Variants in RUVBL2 observed in about 807,000 individuals in gnomAD.
The protein encoded by RUVBL2 is ruvB-like 2.
Under a neutral mutation model 57.9 loss-of-function variants are expected in RUVBL2, and 9 were observed. That is an observed-to-expected ratio of 0.16 (90% CI 0.09 to 0.27). The LOEUF (loss-of-function observed/expected upper bound fraction) is 0.27, where lower values mean the gene tolerates loss of function less well. RUVBL2 is among the 10% of genes least tolerant of loss of function. RUVBL2 has a pLI of 1.00. For synonymous variants in RUVBL2, 278 were observed against 264.6 expected (o/e 1.05, Z -0.49); for missense variants, 456 against 669.6 (o/e 0.68, Z 3.52).
chr19:49,014,113 G>T (rs1200108391), intron 11 of RUVBL2, among the ~76,000 whole-genome samples: 3 of 152,228 alleles, frequency 2.0e-5, no homozygotes. Context: ...TGAATAAGGG[G>T]AACTGACTGT....
At chr19:49,008,369 T>C (rs2039327680) in intron 6 of RUVBL2, among the ~76,000 whole-genome samples, 2 of 149,366 alleles carry the variant, frequency 1.3e-5, no homozygotes, top group Admixed American at 6.6e-5. Flanking sequence ...GCCTCCCGAG[T>C]AGCTGGGACT....
upstream of RUVBL2, chr19:48,993,755 A>T: frequency 1.1e-6 from 1 of 916,642 alleles, no homozygotes; most frequent in Non-Finnish European, 1.7e-6. Context: ...CCTCGGTGGG[A>T]GGGCGGGGCA....
chr19:48,994,212 C>T lies in RUVBL2; in HGVS notation c.12+289C>T, dbSNP rs574046277. 4 of 525,556 alleles carry T rather than the reference C, an allele frequency of 7.6e-6. No individual in the cohort carries two copies. The South Asian group carries it at 9.0e-5, about 12-fold the overall frequency. The allele number at this position is 525,556 out of a possible 1,614,324, so 32.6% of individuals were successfully genotyped here. On this transcript the variant is annotated intron_variant, in intron 1 of 14. Coordinates refer to ENST00000595090, the MANE Select transcript of RUVBL2 (RefSeq NM_006666.3). ...TTCAAAATCATCTTGGCGCAACGGC[C>T]GGTTCCGCAGTCCTTGGCGCCAGTG...
chr19:49,006,707 T>C (rs2039287581), intron 4 of RUVBL2, among the ~76,000 whole-genome samples: 1 of 152,236 alleles, frequency 6.6e-6, no homozygotes, highest in Non-Finnish European at 1.5e-5. Context: ...GCTAAACAGC[T>C]CGTAGAGGCT....
chr19:49,015,560 C>CT lies in RUVBL2; in HGVS notation c.1252-11dup, dbSNP rs2039530392. The CT allele has an allele frequency of 6.2e-7, 1 of 1,603,854 alleles. No individual in the cohort carries two copies. The highest frequency in any genetic ancestry group is 1.3e-5 in the African/African-American group (1 of 74,732). On this transcript the variant is annotated splice_polypyrimidine_tract_variant and intron_variant, in intron 13 of 14. Transcript: ENST00000595090. Reference sequence around the variant, plus strand: ...AGAGGGGCCCAACTGAGGACTCGCCCTCCCCCTCCAGGGTACAGAAGTGCA... The same window carrying CT: ...AGAGGGGCCCAACTGAGGACTCGCCCTTCCCCCTCCAGGGTACAGAAGTGCA...
intron 1 of RUVBL2, among the ~76,000 whole-genome samples, chr19:48,997,321 A>T (rs1202334661): frequency 6.6e-6 from 1 of 152,146 alleles, no homozygotes; most frequent in Non-Finnish European, 1.5e-5. Flanking sequence ...ACGTTGTAGC[A>T]TGTATCAGAA....
In RUVBL2 at chr19:49,010,071, G is replaced by A. The variant is rs370537579; in HGVS notation, c.663+5G>A. Reference sequence around the variant, plus strand: ...TACGACGCTATGGGCTCCCAGGTGCGGCCGGGACTCCCGGGATCCCCTCGC... The same window carrying A: ...TACGACGCTATGGGCTCCCAGGTGCAGCCGGGACTCCCGGGATCCCCTCGC... On this transcript the variant is annotated splice_donor_5th_base_variant and intron_variant, in intron 8 of 14. Transcript: ENST00000595090. 1.9e-4 allele frequency: 311 copies of A among 1,605,088 alleles called. No homozygotes were observed. The highest frequency in any genetic ancestry group is 2.5e-4 in the Non-Finnish European group (296 of 1,176,420).
chr19:49,005,556 C>A (rs1191851982), intron 4 of RUVBL2, among the ~76,000 whole-genome samples: 2 of 152,152 alleles, frequency 1.3e-5, no homozygotes, highest in African/African-American at 4.8e-5. Flanking sequence ...TGGGCGGACA[C>A]TGGGGACAGC....
In RUVBL2 at chr19:49,011,370, A is replaced by C; in HGVS notation, c.1001+60A>C. 2.9e-6 allele frequency: 4 copies of C among 1,386,174 alleles called. No homozygotes were observed. Among genetic ancestry groups the C allele is most frequent in the Non-Finnish European group, 3.1e-6 (3 of 977,814 alleles). The allele number at this position is 1,386,174 out of a possible 1,614,324, so 85.9% of individuals were successfully genotyped here. Reference sequence around the variant, plus strand: ...GATGCTCTGGGCAGTGGGTGTGGTCAGAGGGTCAATGGGAGCCTGTGTTGA... The same window carrying C: ...GATGCTCTGGGCAGTGGGTGTGGTCCGAGGGTCAATGGGAGCCTGTGTTGA... On this transcript the variant is annotated intron_variant, in intron 11 of 14. Transcript: ENST00000595090. The surrounding 1 kb of genome is among the most constrained non-coding windows in gnomAD (Gnocchi z 4.4).
At chr19:48,997,828 C>G (rs1330959208) in intron 1 of RUVBL2, among the ~76,000 whole-genome samples, 1 of 151,904 alleles carries the variant, frequency 6.6e-6, no homozygotes, top group African/African-American at 2.4e-5. Flanking sequence ...CTGGGGGGGT[C>G]CTGAATTGTC....
intron 2 of RUVBL2, among the ~76,000 whole-genome samples, chr19:49,000,683 GGTGAAACCCTGTCTCTA>G (rs970589040): frequency 6.6e-6 from 1 of 152,144 alleles, no homozygotes; most frequent in Non-Finnish European, 1.5e-5. Context: ...TGGCCAACAT[GGTGAAACCCTGTCTCTA>G]CTAAAAATAC....
chr19:49,004,115 C>CAAAAA (rs74182026), intron 3 of RUVBL2, 162 bp from the exon 4 acceptor site: 93 of 292,934 alleles, frequency 3.2e-4, no homozygotes, highest in Admixed American at 4.3e-4. Flanking sequence ...GATCTTGTCT[C>CAAAAA]AAAAAAAAAA....
chr19:48,995,384 C>T (rs1232427226), intron 1 of RUVBL2, among the ~76,000 whole-genome samples: 1 of 150,218 alleles, frequency 6.7e-6, no homozygotes. Context: ...GGGTAATGTT[C>T]TATGCTCCTG....
chr19:49,011,888 T>C lies in RUVBL2; in HGVS notation c.1001+578T>C, dbSNP rs1600194412. Among the ~76,000 whole-genome samples, 1 of 120,270 alleles carries C rather than the reference T, an allele frequency of 8.3e-6. No individual in the cohort carries two copies. Among genetic ancestry groups the C allele is most frequent in the East Asian group, 2.6e-4 (1 of 3,824 alleles). The allele number at this position is 120,270 out of a possible 152,430, so 78.9% of individuals were successfully genotyped here. On this transcript the variant is annotated intron_variant, in intron 11 of 14. Transcript: ENST00000595090. This position sits in a 1 kb window ranked among gnomAD's most constrained non-coding sequence, Gnocchi z 4.4. The stretch of plus-strand genomic sequence containing the variant: ...GGACAGATTCCTGTGACACAGAGGG[T>C]ACTGTGCTGTGCTGAAGCCTGGGAA...
At chr19:49,003,176 A>AC in intron 2 of RUVBL2, 103 bp from the exon 3 acceptor site, 6 of 538,202 alleles carry the variant, frequency 1.1e-5, no homozygotes, top group East Asian at 5.2e-5. Flanking sequence ...CCCTACTCCC[A>AC]CCCACCCCTT....
rs761406558 is a variant in RUVBL2, at chr19:49,015,846, G to A, written c.*4G>A. 32 of 1,614,054 alleles carry A rather than the reference G, an allele frequency of 2.0e-5. No homozygotes were observed. Among genetic ancestry groups the A allele is most frequent in the Middle Eastern group, 1.6e-4 (1 of 6,082 alleles). ...CGAGACCATGGACACCTCCTGAGTT[G>A]GATGTCATCCCCCGACCCCACCCTG... On this transcript the variant is annotated 3_prime_UTR_variant, in exon 15 of 15. Coordinates refer to ENST00000595090, the MANE Select transcript of RUVBL2 (RefSeq NM_006666.3).
chr19:48,996,897 A>C (rs2039073302), intron 1 of RUVBL2, among the ~76,000 whole-genome samples: 1 of 151,764 alleles, frequency 6.6e-6, no homozygotes, highest in Non-Finnish European at 1.5e-5. Context: ...CCCTGACCTC[A>C]AGTGATTTGC....
At chr19:49,015,313 T>G in intron 13 of RUVBL2, 163 bp downstream of exon 13, 1 of 926,050 alleles carries the variant, frequency 1.1e-6, no homozygotes, top group Non-Finnish European at 1.6e-6. Flanking sequence ...TGGCCTATAG[T>G]AGGTATCAGT....
At position 49,009,908 on chromosome 19, in the gene RUVBL2, C is replaced by T. The variant is rs370643049; in HGVS notation, c.569+26C>T. 8.4e-5 allele frequency: 136 copies of T among 1,613,002 alleles called. 2 individuals carry two copies. The South Asian group carries it at 1.3e-3, about 15-fold the overall frequency. On this transcript the variant is annotated intron_variant, in intron 7 of 14. Transcript: ENST00000595090. ...GTGAGCAGTCAGGGGCCATGCCAGGCAGCCAGGGGGATGGGCGAGCTTGGG... is the reference window on the plus strand; with the variant it reads ...GTGAGCAGTCAGGGGCCATGCCAGGTAGCCAGGGGGATGGGCGAGCTTGGG...
Sources: gnomAD v4.1 joint callset for allele counts (sites outside exome capture counted in the v4.1 genomes callset) on GRCh38, gnomAD v4.1.1 for gene constraint, Gnocchi (gnomAD v3.1) non-coding constraint, MANE v1.5 for transcripts, NCBI Gene and HGNC (gene_info 2026-07-23, HGNC 2026-07-21) for gene names.